The following CCDC32 variants were observed in gnomAD, a reference collection of about 807,000 sequenced individuals.
The protein encoded by CCDC32 is coiled-coil domain containing 32, also known as coiled-coil domain-containing protein 32.
A neutral mutation model predicts 20.1 loss-of-function variants in CCDC32; 9 were observed. That is an observed-to-expected ratio of 0.45 (90% confidence interval 0.27 to 0.78). The LOEUF is 0.78. Ranked by LOEUF, CCDC32 falls within the 30% of genes least tolerant of loss-of-function variation. The pLI is 0.16. For synonymous variants in CCDC32, 63 were observed against 79.0 expected, an observed-to-expected ratio of 0.80 and a Z score of 1.07; for missense variants, 204 against 215.5, an observed-to-expected ratio of 0.95 and a Z score of 0.33.
intron 2 of CCDC32, chr15:40,557,650 T>C (rs1438440495): frequency 6.8e-6 from 2 of 292,718 alleles, no homozygotes; most frequent in Non-Finnish European, 1.3e-5. Context: ...CATGTTTTCT[T>C]TGAAATCACG....
intron 3 of CCDC32, among the ~76,000 whole-genome samples, chr15:40,542,697 T>C (rs1889446573): frequency 6.6e-6 from 1 of 151,698 alleles, no homozygotes; most frequent in Admixed American, 6.6e-5. Context: ...TGAAACCCCG[T>C]CTCTACTAAA....
At chr15:40,526,114 G>A (rs1183891363), downstream of CCDC32, among the ~76,000 whole-genome samples, 1 of 152,122 alleles carries the variant, frequency 6.6e-6, no homozygotes, top group East Asian at 1.9e-4. Flanking sequence ...CACAATGTGG[G>A]CTGTGTAGAC....
chr15:40,535,553 C>G, downstream of CCDC32: 1 of 985,566 alleles, frequency 1.0e-6, no homozygotes, highest in Non-Finnish European at 1.2e-6. Flanking sequence ...CTCCTCCACT[C>G]AGCTTCCTTT....
chr15:40,532,874 T>G (rs1188877760), downstream of CCDC32, among the ~76,000 whole-genome samples: 1 of 151,966 alleles, frequency 6.6e-6, no homozygotes, highest in Non-Finnish European at 1.5e-5. Flanking sequence ...GCTAATTTTT[T>G]TTATTTTTTG....
Position 40,553,903 on chromosome 15 carries a change from GGCGTGTGTGTGTGTGTGTGTGT to G in CCDC32, c.*46_*67del. The G allele has an allele frequency of 7.4e-7, 1 of 1,357,116 alleles. No homozygotes were observed. The highest frequency in any genetic ancestry group is 1.5e-5 in the African/African-American group (1 of 65,122). The allele number at this position is 1,357,116 out of a possible 1,614,324, so 84.1% of individuals were successfully genotyped here. A position where few individuals can be genotyped will look rare whatever the true frequency, so the allele number is the denominator to read the frequency against. On this transcript the variant is annotated 3_prime_UTR_variant, in exon 4 of 4. Coordinates refer to ENST00000416810, the MANE Select transcript of CCDC32 (RefSeq NM_001080792.4). ...CGCTCTGGACCCGAGACAGCTGCTC[GGCGTGTGTGTGTGTGTGTGTGT>G]GTGTGTGTGTGTGTGTGTGTGTGTG...
chr15:40,528,906 C>T (rs957122125), intron 3 of CCDC32: 4 of 630,658 alleles, frequency 6.3e-6, no homozygotes, highest in African/African-American at 5.5e-5. Context: ...CTAACCACCT[C>T]TGGCTCCAGC....
chr15:40,557,101 G>A (rs1241354993), intron 3 of CCDC32, 115 bp downstream of exon 3: 1 of 1,233,478 alleles, frequency 8.1e-7, no homozygotes, highest in African/African-American at 1.5e-5. Flanking sequence ...CGTAGCTGCA[G>A]TATTTGCCTT....
At chr15:40,539,163 G>T (rs974552611), downstream of CCDC32, 3 of 1,295,134 alleles carry the variant, frequency 2.3e-6, no homozygotes, top group Non-Finnish European at 3.2e-6. Flanking sequence ...CCCAGCTCCC[G>T]CTCAAACCTG....
chr15:40,524,739 C>CTT (rs758786719), downstream of CCDC32, among the ~76,000 whole-genome samples: 100 of 95,180 alleles, frequency 1.1e-3, 1 homozygote, highest in African/African-American at 3.1e-3. Context: ...CTTTTTCTTT[C>CTT]TTTTTTTTTT....
At chr15:40,554,482 C>T (rs2141634620) in intron 3 of CCDC32, among the ~76,000 whole-genome samples, 1 of 152,180 alleles carries the variant, frequency 6.6e-6, no homozygotes. Flanking sequence ...GAGAAATTGT[C>T]AAGGGGAAGA....
At chr15:40,532,017 T>C, downstream of CCDC32, 1 of 326,282 alleles carries the variant, frequency 3.1e-6, no homozygotes, top group African/African-American at 2.1e-5. Context: ...CTTCTGGAGG[T>C]TCCGGTTTCT....
At chr15:40,536,888 A>G (rs1219864206), downstream of CCDC32, 1 of 152,258 alleles carries the variant, frequency 6.6e-6, no homozygotes, top group Non-Finnish European at 1.5e-5. Flanking sequence ...CCACAGAGTC[A>G]CCTAGGGTCG....
At chr15:40,525,481 G>T (rs2141593238), downstream of CCDC32, among the ~76,000 whole-genome samples, 1 of 152,260 alleles carries the variant, frequency 6.6e-6, no homozygotes, top group African/African-American at 2.4e-5. Flanking sequence ...TTCCTCTAAA[G>T]TCTCCCCAAA....
chr15:40,552,968 G>T, downstream of CCDC32: 2 of 230,756 alleles, frequency 8.7e-6, no homozygotes, highest in Non-Finnish European at 1.4e-5. Context: ...CTGTCTGAGG[G>T]CACATGCTAA....
chr15:40,539,361 G>C (rs1889275069), intron 3 of CCDC32: 1 of 1,534,622 alleles, frequency 6.5e-7, no homozygotes, highest in South Asian at 1.2e-5. Context: ...AGGGCCTATG[G>C]GAATAAGACA....
chr15:40,547,554 C>T (rs1889672245), intron 3 of CCDC32, among the ~76,000 whole-genome samples: 1 of 152,172 alleles, frequency 6.6e-6, no homozygotes, highest in Non-Finnish European at 1.5e-5. Context: ...GGACAGTTTC[C>T]TGCTTCTGCC....
downstream of CCDC32, chr15:40,539,207 C>T: frequency 6.6e-7 from 1 of 1,519,760 alleles, no homozygotes. Flanking sequence ...CATGGTTCTG[C>T]ACATCCCTGC....
chr15:40,535,822 A>G (rs192169100), downstream of CCDC32: 239 of 228,556 alleles, frequency 1.0e-3, no homozygotes, highest in African/African-American at 5.2e-3. Flanking sequence ...GTGAGAGCCC[A>G]TGAGGGGGCC....
chr15:40,539,006 G>A (rs1566979353), downstream of CCDC32: 1 of 536,492 alleles, frequency 1.9e-6, no homozygotes, highest in East Asian at 3.2e-5. Context: ...CTTCCCATGG[G>A]TTCTCTAGCT....
Sources: allele counts gnomAD v4.1 joint callset (sites outside exome capture counted in the v4.1 genomes callset), GRCh38; gene constraint gnomAD v4.1.1; transcripts MANE v1.5; gene names NCBI Gene and HGNC (gene_info 2026-07-23, HGNC 2026-07-21).